STXBP4: variants seen among roughly 807,000 people sequenced by gnomAD.
The protein encoded by STXBP4 is syntaxin binding protein 4.
STXBP4 carries 55 observed loss-of-function variants against 76.1 expected under a neutral mutation model. The ratio of observed to expected loss-of-function variants is 0.72; its 90% confidence interval spans 0.58 to 0.91. STXBP4 has a LOEUF of 0.91. Among genes scored for constraint, STXBP4 ranks in the 40% least tolerant of loss-of-function variants. STXBP4 has a pLI of 0.00. For synonymous variants in STXBP4, 201 were observed against 220.2 expected (o/e 0.91, Z 0.77); for missense variants, 618 against 636.9 (o/e 0.97, Z 0.32).
downstream of STXBP4, among the ~76,000 whole-genome samples, chr17:55,178,263 A>G (rs1405315547): frequency 6.6e-6 from 1 of 152,182 alleles, no homozygotes; most frequent in Non-Finnish European, 1.5e-5. Context: ...TACACCTATC[A>G]TCTCATTTAA....
intron 12 of STXBP4, among the ~76,000 whole-genome samples, chr17:55,047,698 A>T (rs890179368): frequency 3.9e-5 from 6 of 151,910 alleles, no homozygotes; most frequent in African/African-American, 1.2e-4. Context: ...TAAATAAGAG[A>T]ACATTGTTAG....
downstream of STXBP4, among the ~76,000 whole-genome samples, chr17:55,174,276 A>G (rs1173000215): frequency 1.3e-5 from 2 of 152,254 alleles, no homozygotes; most frequent in South Asian, 2.1e-4. Context: ...GCTGTTTTCT[A>G]GAATGGCTGT....
the STXBP4 span, among the ~76,000 whole-genome samples, chr17:55,179,729 A>G: frequency 6.6e-6 from 1 of 152,144 alleles, no homozygotes; most frequent in African/African-American, 2.4e-5. Flanking sequence ...ATTTTATCTT[A>G]TGATTTTCTT....
intron 16 of STXBP4, among the ~76,000 whole-genome samples, chr17:55,105,280 A>C (rs1405448769): frequency 2.6e-5 from 4 of 152,120 alleles, no homozygotes; most frequent in African/African-American, 4.8e-5. Flanking sequence ...ATTTTCCTCT[A>C]AACACTGCTT....
chr17:55,044,277 T>G (rs1040973407), intron 11 of STXBP4: 2 of 152,012 alleles, frequency 1.3e-5, no homozygotes, highest in Non-Finnish European at 2.9e-5. Context: ...AACTACTTGA[T>G]TTACCACTAA....
At chr17:55,007,898 G>A (rs1400159084) in intron 8 of STXBP4, among the ~76,000 whole-genome samples, 1 of 152,154 alleles carries the variant, frequency 6.6e-6, no homozygotes, top group African/African-American at 2.4e-5. Flanking sequence ...TAAATGGAAA[G>A]ATGTAACAAA....
At chr17:55,011,134 C>A (rs1347144438) in intron 8 of STXBP4, among the ~76,000 whole-genome samples, 2 of 152,082 alleles carry the variant, frequency 1.3e-5, no homozygotes, top group African/African-American at 4.8e-5. Context: ...AGCTCTATAT[C>A]AAAGTACACT....
chr17:55,177,893 G>A (rs1174500897), downstream of STXBP4, among the ~76,000 whole-genome samples: 1 of 152,186 alleles, frequency 6.6e-6, no homozygotes, highest in Non-Finnish European at 1.5e-5. Flanking sequence ...GCACCTCCTG[G>A]TGACCTTTGC....
chr17:55,207,002 A>G, the STXBP4 span, among the ~76,000 whole-genome samples: 1 of 151,904 alleles, frequency 6.6e-6, no homozygotes, highest in African/African-American at 2.4e-5. Context: ...AACCTTCAAC[A>G]TTACTGAGGG....
chr17:55,211,799 G>GT, the STXBP4 span, among the ~76,000 whole-genome samples: 18,302 of 48,808 alleles, frequency 0.37, 6,196 homozygotes, highest in Non-Finnish European at 0.51. Context: ...GTTTTTTGTT[G>GT]TTTTTTTTTT....
chr17:55,043,473 C>A, intron 11 of STXBP4, 148 bp downstream of exon 11: 1 of 776,748 alleles, frequency 1.3e-6, no homozygotes, highest in Non-Finnish European at 2.0e-6. Context: ...ATTCTTTATT[C>A]AGTTGGCCTT....
At chr17:55,090,379 G>A (rs190157055) in intron 16 of STXBP4, among the ~76,000 whole-genome samples, 5 of 152,150 alleles carry the variant, frequency 3.3e-5, no homozygotes, top group Admixed American at 2.0e-4. Flanking sequence ...ATCACTCTGC[G>A]CAGCCACCTC....
At chr17:54,988,864 A>G (rs1404247154) in intron 3 of STXBP4, among the ~76,000 whole-genome samples, 2 of 152,184 alleles carry the variant, frequency 1.3e-5, no homozygotes, top group African/African-American at 2.4e-5. Flanking sequence ...CTATTGCCCT[A>G]GAAACCAGAT....
intron 10 of STXBP4, among the ~76,000 whole-genome samples, chr17:55,040,974 A>G (rs993833417): frequency 2.0e-5 from 3 of 152,172 alleles, no homozygotes; most frequent in Non-Finnish European, 2.9e-5. Flanking sequence ...AGAATTCACA[A>G]GGAACATCCA....
At position 55,160,108 on chromosome 17, in the gene STXBP4, C is replaced by T. The variant is rs910766740; in HGVS notation, c.*197C>T. ...ACATTTAAAAAATCAATTGCCACTA[C>T]AGTAGTTCCTTAAGAATAATCTAGT... On this transcript the variant is annotated 3_prime_UTR_variant, in exon 18 of 18. Coordinates refer to ENST00000376352, the MANE Select transcript of STXBP4 (RefSeq NM_178509.6). 12 of 423,448 alleles carry T rather than the reference C, an allele frequency of 2.8e-5. No homozygotes were observed. Among genetic ancestry groups the T allele is most frequent in the African/African-American group, 6.1e-5 (3 of 49,104 alleles). 26.2% of individuals were successfully genotyped at this position (423,448 alleles called of 1,614,324 possible).
chr17:55,012,768 C>A (rs1388092819), intron 8 of STXBP4, among the ~76,000 whole-genome samples: 4 of 152,174 alleles, frequency 2.6e-5, no homozygotes, highest in African/African-American at 9.7e-5. Context: ...GCATACCCCG[C>A]TTTTTGAGGT....
rs183243865 is a variant in STXBP4, at chr17:55,076,493, C to G, written c.1189-1585C>G. Among the ~76,000 whole-genome samples, 7 of 152,218 alleles carry G rather than the reference C, an allele frequency of 4.6e-5. No individual in the cohort carries two copies. The East Asian group carries it at 1.2e-3, about 25-fold the overall frequency. On this transcript the variant is annotated intron_variant, in intron 13 of 17. Transcript: ENST00000376352. ...AAAATGTTAAGTTGGCATTTAATAT[C>G]TTTCACTGTTTTTATTTCGTGTTTG...
chr17:54,999,227 A>ACT, intron 4 of STXBP4, 118 bp from the exon 5 acceptor site: 1 of 716,136 alleles, frequency 1.4e-6, no homozygotes, highest in Non-Finnish European at 2.3e-6. Flanking sequence ...CTAAGATTTT[A>ACT]CTTTTTACTC....
intron 7 of STXBP4, among the ~76,000 whole-genome samples, 165 bp from the exon 8 acceptor site, chr17:55,007,341 A>G (rs920583916): frequency 1.0e-4 from 15 of 148,892 alleles, no homozygotes; most frequent in Admixed American, 4.0e-4. Flanking sequence ...CCCCCCTCCA[A>G]AAAAAAAAAA....
Sources: gnomAD v4.1 joint callset for allele counts (sites outside exome capture counted in the v4.1 genomes callset) on GRCh38, gnomAD v4.1.1 for gene constraint, MANE v1.5 for transcripts, NCBI Gene and HGNC (gene_info 2026-07-23, HGNC 2026-07-21) for gene names.